Variants in FSTL4 observed in about 807,000 individuals in gnomAD.
The protein encoded by FSTL4 is follistatin-related protein 4.
Under a neutral mutation model 78.2 loss-of-function variants are expected in FSTL4, and 28 were observed. The ratio of observed to expected loss-of-function variants is 0.36; its 90% CI spans 0.27 to 0.49. The LOEUF (loss-of-function observed/expected upper bound fraction) is 0.49. FSTL4 is among the 20% of genes least tolerant of loss of function. FSTL4 has a pLI of 0.98. For synonymous variants in FSTL4, 422 were observed against 440.5 expected, an observed-to-expected ratio of 0.96 and a Z score of 0.53; for missense variants, 922 against 1,084.9, an observed-to-expected ratio of 0.85 and a Z score of 2.11.
chr5:133,762,145 C>T, the FSTL4 span, among the ~76,000 whole-genome samples: 3 of 152,282 alleles, frequency 2.0e-5, no homozygotes, highest in African/African-American at 7.2e-5. Flanking sequence ...TTCCAGTCTA[C>T]AGACCATTTG....
intron 13 of FSTL4, among the ~76,000 whole-genome samples, chr5:133,215,492 A>G (rs1162519297): frequency 6.6e-6 from 1 of 152,110 alleles, no homozygotes; most frequent in African/African-American, 2.4e-5. Flanking sequence ...TCACCCCCCA[A>G]TCTGCTCCCT....
At chr5:133,660,003 G>A in the FSTL4 span, among the ~76,000 whole-genome samples, 1 of 152,194 alleles carries the variant, frequency 6.6e-6, no homozygotes, top group African/African-American at 2.4e-5. Context: ...AAAAGAAAGA[G>A]TTAGGGGCTT....
chr5:133,272,058 A>G (rs1288886442), intron 6 of FSTL4, among the ~76,000 whole-genome samples: 1 of 152,228 alleles, frequency 6.6e-6, no homozygotes, highest in Non-Finnish European at 1.5e-5. Flanking sequence ...CATGGTACGC[A>G]ACAGTTCCAG....
intron 4 of FSTL4, among the ~76,000 whole-genome samples, chr5:133,329,041 C>A (rs536648527): frequency 3.9e-4 from 59 of 152,222 alleles, no homozygotes; most frequent in African/African-American, 1.4e-3. Context: ...GAGACACGGC[C>A]GGGTCTGAGG....
chr5:133,220,640 A>C, intron 12 of FSTL4, 108 bp downstream of exon 12: 2 of 739,774 alleles, frequency 2.7e-6, no homozygotes, highest in Non-Finnish European at 4.9e-6. Context: ...ACCACACCAC[A>C]TATAGCAAAT....
intron 6 of FSTL4, among the ~76,000 whole-genome samples, chr5:133,295,403 C>T (rs1753368740): frequency 6.6e-6 from 1 of 152,276 alleles, no homozygotes; most frequent in South Asian, 2.1e-4. Flanking sequence ...GCCTCAGTTT[C>T]CCCTTTCTAC....
intron 3 of FSTL4, among the ~76,000 whole-genome samples, chr5:133,559,690 T>C (rs1165701348): frequency 6.6e-6 from 1 of 152,060 alleles, no homozygotes; most frequent in Admixed American, 6.6e-5. Context: ...TGATTAGGGG[T>C]TCATTATCCT....
upstream of FSTL4, among the ~76,000 whole-genome samples, chr5:133,615,470 G>A (rs1251609234): frequency 1.3e-5 from 2 of 152,184 alleles, no homozygotes; most frequent in Non-Finnish European, 2.9e-5. Flanking sequence ...ACCTTTCCCA[G>A]AACTTGTTTT....
At chr5:133,788,373 C>T in the FSTL4 span, among the ~76,000 whole-genome samples, 17 of 152,216 alleles carry the variant, frequency 1.1e-4, no homozygotes, top group Non-Finnish European at 2.1e-4. Context: ...GCTAGGATGA[C>T]GGGACCACTG....
At chr5:133,360,169 A>T (rs1238410147) in intron 4 of FSTL4, among the ~76,000 whole-genome samples, 1 of 152,210 alleles carries the variant, frequency 6.6e-6, no homozygotes, top group African/African-American at 2.4e-5. Flanking sequence ...GTACCTATAA[A>T]GTACACTCCA....
intron 4 of FSTL4, among the ~76,000 whole-genome samples, chr5:133,391,782 C>A (rs1211409679): frequency 6.6e-6 from 1 of 152,226 alleles, no homozygotes; most frequent in Non-Finnish European, 1.5e-5. Flanking sequence ...TCCCTAACCC[C>A]CCGGCCTGCT....
At chr5:133,689,054 C>T in the FSTL4 span, among the ~76,000 whole-genome samples, 2 of 152,098 alleles carry the variant, frequency 1.3e-5, no homozygotes, top group African/African-American at 2.4e-5. Flanking sequence ...CAAGCAGGGC[C>T]CTGCAGCCAG....
chr5:133,801,919 C>G, the FSTL4 span, among the ~76,000 whole-genome samples: 2 of 152,318 alleles, frequency 1.3e-5, no homozygotes, highest in South Asian at 4.1e-4. Flanking sequence ...TGCAAACACA[C>G]CTCCCTGCTC....
At chr5:133,597,277 C>A (rs1760756940) in intron 2 of FSTL4, among the ~76,000 whole-genome samples, 1 of 152,200 alleles carries the variant, frequency 6.6e-6, no homozygotes, top group Non-Finnish European at 1.5e-5. Flanking sequence ...CTGCCTGACA[C>A]AAGGACGACA....
At chr5:133,630,736 A>G in the FSTL4 span, among the ~76,000 whole-genome samples, 2 of 152,220 alleles carry the variant, frequency 1.3e-5, no homozygotes, top group African/African-American at 2.4e-5. Context: ...CCTGACTTCA[A>G]TCTATACTAC....
At chr5:133,639,621 G>A in the FSTL4 span, among the ~76,000 whole-genome samples, 2 of 152,206 alleles carry the variant, frequency 1.3e-5, no homozygotes, top group Admixed American at 6.5e-5. Context: ...AGAGGAAGAG[G>A]AGGATCTCCT....
intron 4 of FSTL4, among the ~76,000 whole-genome samples, chr5:133,348,643 A>G (rs142946653): frequency 5.0e-4 from 76 of 152,232 alleles, no homozygotes; most frequent in African/African-American, 1.6e-3. Flanking sequence ...GGCCACTCTC[A>G]GCTGTGTGTC....
the FSTL4 span, among the ~76,000 whole-genome samples, chr5:133,680,475 T>G: frequency 6.6e-6 from 1 of 152,156 alleles, no homozygotes; most frequent in Non-Finnish European, 1.5e-5. Context: ...TGACCGAAAG[T>G]AAGCACTCCC....
Position 133,400,892 on chromosome 5 carries a change from G to C in FSTL4, c.255C>G (p.Pro85=), listed in dbSNP as rs779142929. 3 of 1,613,748 alleles carry C rather than the reference G, an allele frequency of 1.9e-6. No homozygotes were observed. Among genetic ancestry groups the C allele is most frequent in the South Asian group, 2.2e-5 (2 of 91,086 alleles). ...TGCATGCCTCCAGGCACTGGCATTC[G>C]GGCTCCCCTGTCTTCCTGCTGAGCA... is the stretch of plus-strand genomic sequence containing the variant. ...RCVLSRKTGE[P]ECQCLEACRP... is the part of the protein sequence containing the mutation. The change falls in exon 4 of 16, where the codon CCC becomes CCG. Residue 85 remains proline, a synonymous_variant. Transcript: ENST00000265342.
Sources: gnomAD v4.1 joint callset for allele counts (sites outside exome capture counted in the v4.1 genomes callset) on GRCh38, gnomAD v4.1.1 for gene constraint, MANE v1.5 for transcripts, NCBI Gene and HGNC (gene_info 2026-07-23, HGNC 2026-07-21) for gene names.